Variants in TJP1 observed in about 807,000 individuals in gnomAD.
The protein encoded by TJP1 is tight junction protein 1.
TJP1 carries 43 observed loss-of-function variants against 194.2 expected under a neutral mutation model. The ratio of observed to expected loss-of-function variants is 0.22; its 90% CI spans 0.17 to 0.29. The LOEUF (loss-of-function observed/expected upper bound fraction) is 0.29, where lower values mean the gene tolerates loss of function less well. TJP1 is among the 10% of genes least tolerant of loss of function. The pLI is 1.00. For synonymous variants in TJP1, 801 were observed against 779.0 expected (o/e 1.03, Z -0.47); for missense variants, 1,971 against 2,185.7 (o/e 0.90, Z 1.96).
upstream of TJP1, among the ~76,000 whole-genome samples, chr15:29,824,445 A>AATCATCATC (rs34399157): frequency 1.5e-3 from 223 of 145,906 alleles, 1 homozygote; most frequent in South Asian, 2.1e-3. Flanking sequence ...CTCCGTCTCA[A>AATCATCATC]ATCATCATCA....
intron 2 of TJP1, among the ~76,000 whole-genome samples, chr15:29,894,619 T>G (rs186172561): frequency 6.6e-6 from 1 of 152,154 alleles, no homozygotes; most frequent in African/African-American, 2.4e-5. Context: ...GCACACCTAT[T>G]GCGAGCTGTA....
intron 18 of TJP1, among the ~76,000 whole-genome samples, chr15:29,723,358 G>T (rs1297365030): frequency 6.6e-6 from 1 of 152,110 alleles, no homozygotes; most frequent in Non-Finnish European, 1.5e-5. Context: ...GTTCTCCCAA[G>T]CTCTGTCTGT....
intron 5 of TJP1, among the ~76,000 whole-genome samples, chr15:29,763,093 A>C (rs1350469694): frequency 6.6e-6 from 1 of 152,222 alleles, no homozygotes; most frequent in Non-Finnish European, 1.5e-5. Context: ...TGTACTAAGC[A>C]TGAGTGCAAA....
intron 2 of TJP1, among the ~76,000 whole-genome samples, chr15:29,859,205 A>G (rs566984108): frequency 2.0e-5 from 3 of 152,340 alleles, no homozygotes; most frequent in African/African-American, 7.2e-5. Flanking sequence ...AACATTTTAA[A>G]CCTATATATA....
At chr15:29,923,856 G>A (rs1438028757) in intron 2 of TJP1, among the ~76,000 whole-genome samples, 3 of 152,180 alleles carry the variant, frequency 2.0e-5, no homozygotes, top group African/African-American at 7.2e-5. Flanking sequence ...TCTCCCATAT[G>A]TGGAATGTTT....
In TJP1 at chr15:29,948,443, T is replaced by C. The variant is rs115365187; in HGVS notation, c.306+7789A>G. Among the ~76,000 whole-genome samples the C allele has an allele frequency of 5.5e-3, 837 of 152,284 alleles. 16 individuals carry two copies. The highest frequency in any genetic ancestry group is 0.019 in the African/African-American group (809 of 41,568). ...TTTTCCTTTGGTCAAAGAACCCAGCTAAGAAAATCAATACATGACATTCAC... is the reference window on the plus strand; with the variant it reads ...TTTTCCTTTGGTCAAAGAACCCAGCCAAGAAAATCAATACATGACATTCAC... On this transcript the variant is annotated intron_variant, in intron 2 of 28. Transcript: ENST00000356107.
chr15:29,891,819 C>T (rs970050849), intron 2 of TJP1, among the ~76,000 whole-genome samples: 4 of 152,184 alleles, frequency 2.6e-5, no homozygotes, highest in South Asian at 4.2e-4. Context: ...CCCCTCTCTG[C>T]AGGCCTCCTT....
intron 2 of TJP1, among the ~76,000 whole-genome samples, chr15:29,884,761 C>T (rs2053058421): frequency 1.3e-5 from 2 of 152,098 alleles, no homozygotes; most frequent in Admixed American, 1.3e-4. Context: ...AGACATTACA[C>T]AAAGAGGTAC....
Position 29,810,529 on chromosome 15 carries a change from C to A in TJP1, c.28-9827G>T, listed in dbSNP as rs187942580. Among the ~76,000 whole-genome samples, 55 of 152,278 alleles carry A rather than the reference C, an allele frequency of 3.6e-4. No individual in the cohort carries two copies. In the East Asian group the frequency reaches 5.2e-3, roughly 14 times the overall value. ...ACTAGTCCTGGAGATGGATTAGTACCTTCCTTCTGCTGCTAAGCTGAATTT... is the reference window on the plus strand; with the variant it reads ...ACTAGTCCTGGAGATGGATTAGTACATTCCTTCTGCTGCTAAGCTGAATTT... On this transcript the variant is annotated intron_variant, in intron 1 of 27. Transcript: ENST00000614355.
chr15:29,748,963 T>C (rs1044762490), intron 8 of TJP1, among the ~76,000 whole-genome samples: 40 of 10,646 alleles, frequency 3.8e-3, no homozygotes, highest in African/African-American at 5.0e-3. Flanking sequence ...TGCGCGTGTG[T>C]GCGCGCGCGC....
At chr15:29,789,179 ATATTATAC>A (rs2151796982) in intron 2 of TJP1, among the ~76,000 whole-genome samples, 1 of 152,238 alleles carries the variant, frequency 6.6e-6, no homozygotes, top group Non-Finnish European at 1.5e-5. Flanking sequence ...TATGTGGTTT[ATATTATAC>A]TGCTACTGGG....
intron 10 of TJP1, 89 bp downstream of exon 10, chr15:29,741,242 T>C (rs2044393904): frequency 2.1e-6 from 2 of 934,366 alleles, no homozygotes; most frequent in Non-Finnish European, 3.3e-6. Context: ...TTTTAAAAAA[T>C]ATATGCAATA....
At chr15:29,787,497 G>A (rs908261592) in intron 2 of TJP1, among the ~76,000 whole-genome samples, 4 of 151,952 alleles carry the variant, frequency 2.6e-5, no homozygotes, top group Admixed American at 6.6e-5. Context: ...AAGAAACTCC[G>A]CATTCTTTAG....
chr15:29,808,648 T>C (rs1189156255), intron 1 of TJP1, among the ~76,000 whole-genome samples: 1 of 152,200 alleles, frequency 6.6e-6, no homozygotes, highest in East Asian at 1.9e-4. Flanking sequence ...AACTGGTACG[T>C]ATAGGGAAAG....
At position 29,714,537 on chromosome 15, in the gene TJP1, C is replaced by CTT. The variant is rs58378713; in HGVS notation, c.4202+2072_4202+2073dup. Among the ~76,000 whole-genome samples the CTT allele has an allele frequency of 3.1e-3, 274 of 88,976 alleles. 5 individuals carry two copies. Among genetic ancestry groups the CTT allele is most frequent in the African/African-American group, 8.0e-3 (166 of 20,798 alleles). The allele number at this position is 88,976 out of a possible 152,430, so 58.4% of individuals were successfully genotyped here. ...ACAGGCGTGAGCCACTGCGCCCAGC[C>CTT]TTTTTTTTTTTTTTTTTTTTTGAGA... is the stretch of plus-strand genomic sequence containing the variant. On this transcript the variant is annotated intron_variant, in intron 23 of 27. Transcript: ENST00000614355.
At chr15:29,917,388 G>A (rs2054220608) in intron 2 of TJP1, among the ~76,000 whole-genome samples, 1 of 152,126 alleles carries the variant, frequency 6.6e-6, no homozygotes. Context: ...TTAAAAGGGT[G>A]GATAGTACAT....
intron 1 of TJP1, among the ~76,000 whole-genome samples, chr15:29,801,756 C>T (rs1347511074): frequency 1.3e-5 from 2 of 152,028 alleles, no homozygotes; most frequent in African/African-American, 2.4e-5. Context: ...CCACCGCGCC[C>T]GGCCGAAAAT....
At chr15:29,950,727 GCCCAGCTC>G (rs555742885) in intron 2 of TJP1, among the ~76,000 whole-genome samples, 141 of 152,262 alleles carry the variant, frequency 9.3e-4, no homozygotes, top group African/African-American at 3.2e-3. Flanking sequence ...ACCATTTCAT[GCCCAGCTC>G]CCTTCTCACC....
At chr15:29,892,651 C>T (rs1056789251) in intron 2 of TJP1, among the ~76,000 whole-genome samples, 1 of 152,210 alleles carries the variant, frequency 6.6e-6, no homozygotes, top group Non-Finnish European at 1.5e-5. Flanking sequence ...TAAATCTACT[C>T]TGCCTATACC....
Sources: allele counts gnomAD v4.1 joint callset (sites outside exome capture counted in the v4.1 genomes callset), GRCh38; gene constraint gnomAD v4.1.1; transcripts MANE v1.5; gene names NCBI Gene and HGNC (gene_info 2026-07-23, HGNC 2026-07-21).